LINGO2: variants seen among roughly 807,000 people sequenced by gnomAD.
The protein encoded by LINGO2 is leucine rich repeat and Ig domain containing 2.
Under a neutral mutation model 30.6 loss-of-function variants are expected in LINGO2, and 14 were observed. The ratio of observed to expected loss-of-function variants is 0.46; its 90% CI spans 0.30 to 0.72. The LOEUF (loss-of-function observed/expected upper bound fraction) is 0.72. Among genes scored for constraint, LINGO2 ranks in the 30% least tolerant of loss-of-function variants. LINGO2 has a pLI of 0.07. For synonymous variants in LINGO2, 317 were observed against 288.5 expected (o/e 1.10, Z -1.00); for missense variants, 729 against 751.7 (o/e 0.97, Z 0.35).
At chr9:28,118,826 A>G (rs1207516783) in intron 4 of LINGO2, among the ~76,000 whole-genome samples, 1 of 152,188 alleles carries the variant, frequency 6.6e-6, no homozygotes, top group Non-Finnish European at 1.5e-5. Context: ...TAGACAATAA[A>G]TATCCTGCAA....
intron 4 of LINGO2, among the ~76,000 whole-genome samples, chr9:28,200,328 C>A (rs1820183019): frequency 1.3e-5 from 2 of 152,004 alleles, no homozygotes; most frequent in African/African-American, 4.8e-5. Context: ...CCAGTTTTAT[C>A]ATTTTATTAC....
At chr9:29,061,072 A>G in the LINGO2 span, among the ~76,000 whole-genome samples, 2 of 152,058 alleles carry the variant, frequency 1.3e-5, no homozygotes, top group Non-Finnish European at 2.9e-5. Context: ...AACTATTCAT[A>G]GACACATCAT....
chr9:28,700,132 T>C, the LINGO2 span, among the ~76,000 whole-genome samples: 2 of 151,986 alleles, frequency 1.3e-5, no homozygotes, highest in African/African-American at 4.8e-5. Flanking sequence ...GTGGGCATCA[T>C]GGTCCTACCT....
intron 2 of LINGO2, among the ~76,000 whole-genome samples, chr9:28,447,140 C>G (rs1031633374): frequency 2.6e-4 from 39 of 152,174 alleles, no homozygotes; most frequent in African/African-American, 9.4e-4. Flanking sequence ...TGCCTGATAT[C>G]TATCCCCATA....
the LINGO2 span, among the ~76,000 whole-genome samples, chr9:28,812,201 G>T: frequency 1.3e-5 from 2 of 151,890 alleles, no homozygotes; most frequent in Non-Finnish European, 2.9e-5. Context: ...GAGGAGAAGG[G>T]CTACCTGTCA....
At chr9:28,836,443 T>C in the LINGO2 span, among the ~76,000 whole-genome samples, 1 of 152,090 alleles carries the variant, frequency 6.6e-6, no homozygotes, top group Non-Finnish European at 1.5e-5. Flanking sequence ...GCCTCCCAAG[T>C]AGCTAGGATT....
the LINGO2 span, among the ~76,000 whole-genome samples, chr9:29,033,932 A>T: frequency 6.6e-6 from 1 of 151,948 alleles, no homozygotes; most frequent in Non-Finnish European, 1.5e-5. Flanking sequence ...AACACAAAAA[A>T]TTAGCTGGGC....
intron 5 of LINGO2, among the ~76,000 whole-genome samples, chr9:27,991,640 T>G (rs1382804006): frequency 1.3e-5 from 2 of 152,060 alleles, no homozygotes; most frequent in African/African-American, 2.4e-5. Flanking sequence ...GGAACACAAG[T>G]AAAACATTGA....
the LINGO2 span, among the ~76,000 whole-genome samples, chr9:28,835,173 A>G: frequency 1.3e-5 from 2 of 152,212 alleles, no homozygotes; most frequent in African/African-American, 2.4e-5. Flanking sequence ...TCAAAAAGGC[A>G]TTAAATATTT....
chr9:28,351,999 T>C (rs1431353968), intron 3 of LINGO2, among the ~76,000 whole-genome samples: 2 of 147,886 alleles, frequency 1.4e-5, no homozygotes, highest in Non-Finnish European at 3.0e-5. Flanking sequence ...TGGGATGTAT[T>C]TCAAAATAAT....
the LINGO2 span, among the ~76,000 whole-genome samples, chr9:29,092,728 TA>T: frequency 7.3e-6 from 1 of 136,944 alleles, no homozygotes; most frequent in African/African-American, 2.7e-5. Flanking sequence ...TTCAAAGTGA[TA>T]GGTAAGTTTT....
At chr9:28,138,647 C>A (rs1827583767) in intron 4 of LINGO2, among the ~76,000 whole-genome samples, 1 of 152,176 alleles carries the variant, frequency 6.6e-6, no homozygotes, top group Non-Finnish European at 1.5e-5. Context: ...TATTCCACTT[C>A]CTTTTGTAGT....
chr9:28,877,572 C>T, the LINGO2 span, among the ~76,000 whole-genome samples: 6,548 of 151,828 alleles, frequency 0.043, 201 homozygotes, highest in Admixed American at 0.084. Flanking sequence ...AGATATGCAG[C>T]GTTATTTCTG....
At chr9:28,057,748 C>T (rs1480964381) in intron 4 of LINGO2, among the ~76,000 whole-genome samples, 3 of 151,814 alleles carry the variant, frequency 2.0e-5, no homozygotes, top group Non-Finnish European at 4.4e-5. Context: ...CACTGCCTAC[C>T]TGCTTTTTAA....
intron 1 of LINGO2, among the ~76,000 whole-genome samples, chr9:28,531,130 C>A (rs115163186): frequency 6.6e-6 from 1 of 150,712 alleles, no homozygotes; most frequent in Non-Finnish European, 1.5e-5. Context: ...CTAACAGTAA[C>A]TGAAATAATT....
the LINGO2 span, among the ~76,000 whole-genome samples, chr9:28,940,558 A>G: frequency 6.6e-6 from 1 of 152,182 alleles, no homozygotes; most frequent in East Asian, 1.9e-4. Context: ...AGAATCTAGT[A>G]TTATATTAAC....
chr9:28,259,254 C>A (rs530807903), intron 4 of LINGO2, among the ~76,000 whole-genome samples: 1 of 151,866 alleles, frequency 6.6e-6, no homozygotes, highest in Non-Finnish European at 1.5e-5. Context: ...AAATTTAGGA[C>A]TTACCCAGGG....
chr9:28,207,954 A>G (rs989185849), intron 4 of LINGO2, among the ~76,000 whole-genome samples: 2 of 151,992 alleles, frequency 1.3e-5, no homozygotes, highest in Non-Finnish European at 2.9e-5. Context: ...GCATGTATGA[A>G]TAAGTAGATT....
chr9:28,878,119 G>A, the LINGO2 span, among the ~76,000 whole-genome samples: 1 of 151,600 alleles, frequency 6.6e-6, no homozygotes, highest in African/African-American at 2.4e-5. Context: ...AATGAGAGAA[G>A]AATCAAACAG....
Sources: allele counts gnomAD v4.1 joint callset (sites outside exome capture counted in the v4.1 genomes callset), GRCh38; gene constraint gnomAD v4.1.1; transcripts MANE v1.5; gene names NCBI Gene and HGNC (gene_info 2026-07-23, HGNC 2026-07-21).